The following ANKRD11 variants were observed in gnomAD, a reference collection of about 807,000 sequenced individuals.
The protein encoded by ANKRD11 is ankyrin repeat domain-containing protein 11.
Under a neutral mutation model 195.7 loss-of-function variants are expected in ANKRD11, and 17 were observed. That is an observed-to-expected ratio of 0.09 (90% CI 0.06 to 0.13). ANKRD11 has a LOEUF of 0.13. Ranked by LOEUF, ANKRD11 falls within the 10% of genes least tolerant of loss-of-function variation. The pLI is 1.00. For synonymous variants in ANKRD11, 1,953 were observed against 1,528.1 expected, an observed-to-expected ratio of 1.28 and a Z score of -6.49; for missense variants, 3,735 against 3,566.1, an observed-to-expected ratio of 1.05 and a Z score of -1.21.
At chr16:89,366,558 C>T (rs1294956946) in intron 2 of ANKRD11, among the ~76,000 whole-genome samples, 1 of 152,184 alleles carries the variant, frequency 6.6e-6, no homozygotes, top group Admixed American at 6.5e-5. Context: ...GTGAGAAACC[C>T]AGTTTTCACG....
rs774615667 is a variant in ANKRD11 at position 89,279,924 on chromosome 16, C to T, written c.6618G>A (p.Glu2206=). The T allele has an allele frequency of 6.2e-7, 1 of 1,610,106 alleles. No individual in the cohort carries two copies. Among genetic ancestry groups the T allele is most frequent in the Non-Finnish European group, 8.5e-7 (1 of 1,179,770 alleles). The change falls in exon 9 of 13, where the codon GAG becomes GAA. Residue 2206 remains glutamate (E), a synonymous_variant. Coordinates refer to ENST00000301030, the MANE Select transcript of ANKRD11 (RefSeq NM_013275.6). The surrounding 1 kb of genome is among the most constrained non-coding windows in gnomAD (Gnocchi z 5.6). ...STRLPAELEP[E]PSGEPKLDVA... is the part of the protein sequence containing the mutation. ...CGTCCAGCTTTGGCTCCCCTGAGGGCTCAGGCTCGAGCTCTGCAGGGAGCC... is the reference window on the plus strand; with the variant it reads ...CGTCCAGCTTTGGCTCCCCTGAGGGTTCAGGCTCGAGCTCTGCAGGGAGCC...
Position 89,283,122 on chromosome 16 carries a change from G to T in ANKRD11, c.3420C>A (p.Ala1140=). ...CMGSGFKMGE[A]SDLPRTDGLQ... is the part of the protein sequence containing the mutation. ...GGCCGTCCGTCCTCGGCAAGTCGCTGGCCTCTCCCATCTTGAACCCGCTCC... is the reference window on the plus strand; with the variant it reads ...GGCCGTCCGTCCTCGGCAAGTCGCTTGCCTCTCCCATCTTGAACCCGCTCC... Residue 1140 remains alanine (A), a synonymous_variant, in exon 9 of 13, where the codon GCC becomes GCA. Transcript: ENST00000301030. The surrounding 1 kb of genome is among the most constrained non-coding windows in gnomAD (Gnocchi z 4.3). The T allele has an allele frequency of 6.2e-7, 1 of 1,613,834 alleles. No homozygotes were observed. Among genetic ancestry groups the T allele is most frequent in the South Asian group, 1.1e-5 (1 of 91,072 alleles).
chr16:89,320,029 CGT>C (rs2037209279), intron 2 of ANKRD11: 2 of 152,448 alleles, frequency 1.3e-5, no homozygotes, highest in South Asian at 4.1e-4. Flanking sequence ...GTTACTCAGC[CGT>C]GTCAGTGACT....
At chr16:89,359,502 A>C (rs1282873097) in intron 2 of ANKRD11, among the ~76,000 whole-genome samples, 1 of 152,210 alleles carries the variant, frequency 6.6e-6, no homozygotes, top group Non-Finnish European at 1.5e-5. Flanking sequence ...AGATGGCAGC[A>C]CTGTGACCTC....
At chr16:89,363,899 GA>G (rs371865748) in intron 2 of ANKRD11, among the ~76,000 whole-genome samples, 3,186 of 149,336 alleles carry the variant, frequency 0.021, 126 homozygotes, top group African/African-American at 0.075. Flanking sequence ...CTACAAAAAA[GA>G]AAAAAAAAAT....
Position 89,281,034 on chromosome 16 carries a change from G to C in ANKRD11, c.5508C>G (p.Pro1836=). The C allele has an allele frequency of 6.3e-7, 1 of 1,599,706 alleles. No homozygotes were observed. Among genetic ancestry groups the C allele is most frequent in the Non-Finnish European group, 8.5e-7 (1 of 1,170,972 alleles). The part of the protein sequence containing the change: ...PPSMEDRAPL[P]PVPAEKFACL... ...AGGCAAACTTCTCCGCGGGAACCGG[G>C]GGCAGGGGCGCCCTGTCTTCCATCG... Residue 1836 remains proline (P), a synonymous_variant, in exon 9 of 13, where the codon CCC becomes CCG. Coordinates refer to ENST00000301030, the MANE Select transcript of ANKRD11 (RefSeq NM_013275.6). This position sits in a 1 kb window ranked among gnomAD's most constrained non-coding sequence, Gnocchi z 5.5.
rs2041729733 is a variant in ANKRD11 at position 89,402,369 on chromosome 16, G to C, written c.-60+15915C>G. Among the ~76,000 whole-genome samples, 7 of 152,126 alleles carry C rather than the reference G, an allele frequency of 4.6e-5. No homozygotes were observed. In the South Asian group the frequency reaches 1.4e-3, roughly 31 times the overall value. The stretch of plus-strand genomic sequence containing the variant: ...GCCACAATAAGGTATCTGGGATTGA[G>C]CGCTTATTTAAATCGGTAGGCACAT... On this transcript the variant is annotated intron_variant, in intron 2 of 12. Coordinates refer to ENST00000301030, the MANE Select transcript of ANKRD11 (RefSeq NM_013275.6).
intron 1 of ANKRD11, among the ~76,000 whole-genome samples, chr16:89,471,812 A>T (rs1312961864): frequency 6.8e-6 from 1 of 146,744 alleles, no homozygotes; most frequent in African/African-American, 2.5e-5. Context: ...AAAAAAAGAT[A>T]TGATTTCATT....
At chr16:89,377,828 C>A (rs1310521271) in intron 2 of ANKRD11, among the ~76,000 whole-genome samples, 1 of 152,046 alleles carries the variant, frequency 6.6e-6, no homozygotes, top group East Asian at 1.9e-4. Flanking sequence ...ACCAAATGCG[C>A]CTGCCTCTCC....
At chr16:89,476,780 C>T (rs12935033) in intron 1 of ANKRD11, among the ~76,000 whole-genome samples, 43,656 of 152,198 alleles carry the variant, frequency 0.29, 7,371 homozygotes, top group Middle Eastern at 0.42. Context: ...ATCCTCCCCT[C>T]ACCACACTCT....
chr16:89,488,799 T>G (rs2057705975), intron 1 of ANKRD11, among the ~76,000 whole-genome samples: 1 of 152,214 alleles, frequency 6.6e-6, no homozygotes, highest in South Asian at 2.1e-4. Context: ...GTTAAGGATA[T>G]TGCTCTAATG....
intron 2 of ANKRD11, among the ~76,000 whole-genome samples, chr16:89,388,292 G>GTTTTTTTTTTTTTT (rs1567734637): frequency 1.6e-5 from 1 of 61,052 alleles, no homozygotes; most frequent in Admixed American, 1.7e-4. Context: ...CCATGAGGCT[G>GTTTTTTTTTTTTTT]ATTTTTTTTT....
chr16:89,422,290 G>A (rs2152244699), intron 1 of ANKRD11: 1 of 152,168 alleles, frequency 6.6e-6, no homozygotes, highest in Non-Finnish European at 1.5e-5. Context: ...CTCCACCTGG[G>A]CGAGCGACTG....
chr16:89,339,484 G>A (rs1039128618), intron 2 of ANKRD11, among the ~76,000 whole-genome samples: 3 of 152,146 alleles, frequency 2.0e-5, no homozygotes, highest in Admixed American at 6.5e-5. Context: ...TGCACGCAGC[G>A]CATGTGAAGA....
chr16:89,282,402 G>A lies in ANKRD11; in HGVS notation c.4140C>T (p.Tyr1380=), dbSNP rs1555528040. The A allele has an allele frequency of 1.2e-6, 2 of 1,614,080 alleles. No individual in the cohort carries two copies. Among genetic ancestry groups the A allele is most frequent in the East Asian group, 4.5e-5 (2 of 44,870 alleles). The change falls in exon 9 of 13, where the codon TAC becomes TAT. Residue 1380 remains tyrosine (Y), a synonymous_variant. Coordinates refer to ENST00000301030, the MANE Select transcript of ANKRD11 (RefSeq NM_013275.6). ...KAEKKEKGED[Y]KEGGSRKDSG... Reference sequence around the variant, plus strand: ...AGTCCTTCCTGCTACCGCCCTCCTTGTAATCTTCGCCCTTCTCTTTCTTCT... The same window carrying A: ...AGTCCTTCCTGCTACCGCCCTCCTTATAATCTTCGCCCTTCTCTTTCTTCT...
intron 1 of ANKRD11, among the ~76,000 whole-genome samples, chr16:89,428,840 G>C (rs1044055061): frequency 6.6e-6 from 1 of 152,204 alleles, no homozygotes; most frequent in Admixed American, 6.5e-5. Context: ...CTTGCAGTAA[G>C]CCAAGATCGT....
At chr16:89,301,564 T>G (rs909623318) in intron 4 of ANKRD11, 1 of 398,604 alleles carries the variant, frequency 2.5e-6, no homozygotes, top group Non-Finnish European at 4.4e-6. Context: ...ACATGGCAGG[T>G]GCCTTCCCAC....
chr16:89,453,501 C>T (rs1166436712), intron 1 of ANKRD11, among the ~76,000 whole-genome samples: 1 of 152,208 alleles, frequency 6.6e-6, no homozygotes, highest in African/African-American at 2.4e-5. Context: ...CCACGTTTCA[C>T]AGGAACACGT....
rs781023819 is a variant in ANKRD11, at chr16:89,367,228, C to G, written c.-59-50150G>C. 2.0e-5 allele frequency among the ~76,000 whole-genome samples: 3 copies of G among 152,234 alleles called. No homozygotes were observed. The East Asian group carries it at 5.8e-4, about 29-fold the overall frequency. On this transcript the variant is annotated intron_variant, in intron 2 of 12. Coordinates refer to ENST00000301030, the MANE Select transcript of ANKRD11 (RefSeq NM_013275.6). ...CATCGAAACACAACAGTCCACTCCA[C>G]GTGGGAGTTCAGCGTTCTCTCAGGG... is the stretch of plus-strand genomic sequence containing the variant.
Sources: allele counts gnomAD v4.1 joint callset (sites outside exome capture counted in the v4.1 genomes callset), GRCh38; gene constraint gnomAD v4.1.1; non-coding constraint Gnocchi (gnomAD v3.1); transcripts MANE v1.5; gene names NCBI Gene and HGNC (gene_info 2026-07-23, HGNC 2026-07-21).